SEMA3A: variants seen among roughly 807,000 people sequenced by gnomAD.
SEMA3A encodes the protein semaphorin 3A, also known as semaphorin-3A.
Under a neutral mutation model 97.9 loss-of-function variants are expected in SEMA3A, and 29 were observed. The ratio of observed to expected loss-of-function variants is 0.30; its 90% CI spans 0.22 to 0.40. The LOEUF (loss-of-function observed/expected upper bound fraction) is 0.40, where lower values mean the gene tolerates loss of function less well. SEMA3A is among the 10% of genes least tolerant of loss of function. SEMA3A has a pLI of 1.00. For synonymous variants in SEMA3A, 321 were observed against 323.7 expected (o/e 0.99, Z 0.09); for missense variants, 763 against 951.3 (o/e 0.80, Z 2.60).
At chr7:84,281,360 C>A (rs1800435491) in intron 3 of SEMA3A, among the ~76,000 whole-genome samples, 2 of 152,236 alleles carry the variant, frequency 1.3e-5, no homozygotes, top group South Asian at 4.2e-4. Flanking sequence ...CAAGAAACAG[C>A]AGCCTGGGGA....
At chr7:84,209,978 C>T (rs1798586708) in intron 3 of SEMA3A, among the ~76,000 whole-genome samples, 1 of 151,756 alleles carries the variant, frequency 6.6e-6, no homozygotes, top group Non-Finnish European at 1.5e-5. Context: ...TACTTTTTTT[C>T]CTAAGGGGAT....
intron 1 of SEMA3A, among the ~76,000 whole-genome samples, chr7:84,172,488 C>A (rs1382110015): frequency 6.6e-6 from 1 of 152,008 alleles, no homozygotes; most frequent in African/African-American, 2.4e-5. Context: ...AGTGGGCTAT[C>A]TAGGTTCACT....
intron 2 of SEMA3A, among the ~76,000 whole-genome samples, chr7:84,334,143 T>C (rs1801976211): frequency 6.6e-6 from 1 of 152,174 alleles, no homozygotes; most frequent in Admixed American, 6.5e-5. Flanking sequence ...AAGTTCTGTC[T>C]ATATAATTCC....
chr7:84,262,254 G>T (rs1799874434), intron 3 of SEMA3A, among the ~76,000 whole-genome samples: 1 of 151,854 alleles, frequency 6.6e-6, no homozygotes, highest in Non-Finnish European at 1.5e-5. Flanking sequence ...TGCTCTTTTT[G>T]CCCAGGATGG....
At chr7:83,971,108 T>C (rs1179581598) in intron 15 of SEMA3A, among the ~76,000 whole-genome samples, 1 of 152,220 alleles carries the variant, frequency 6.6e-6, no homozygotes. Context: ...TTAACATTCA[T>C]GTATATTTTG....
chr7:83,988,693 TTA>T (rs1275144431), intron 12 of SEMA3A, among the ~76,000 whole-genome samples: 1 of 151,854 alleles, frequency 6.6e-6, no homozygotes, highest in Non-Finnish European at 1.5e-5. Context: ...CTTAAATGAA[TTA>T]TATTAGTTAT....
At chr7:84,453,249 T>G (rs1805605046) in intron 1 of SEMA3A, among the ~76,000 whole-genome samples, 1 of 151,252 alleles carries the variant, frequency 6.6e-6, no homozygotes, top group Non-Finnish European at 1.5e-5. Context: ...CTTTTTTTTT[T>G]TTTTTTGAGA....
chr7:84,158,094 T>C (rs1466258134), intron 1 of SEMA3A, among the ~76,000 whole-genome samples: 3 of 151,198 alleles, frequency 2.0e-5, no homozygotes, highest in Non-Finnish European at 3.0e-5. Context: ...CAATCCTCTA[T>C]ACCTTTTCTT....
intron 3 of SEMA3A, among the ~76,000 whole-genome samples, chr7:84,126,784 T>G (rs1371036450): frequency 2.0e-5 from 3 of 152,198 alleles, no homozygotes; most frequent in Non-Finnish European, 4.4e-5. Context: ...CAAAAACTAT[T>G]AGAGTTGTTT....
chr7:84,225,151 A>AAT (rs1217642373), intron 3 of SEMA3A, among the ~76,000 whole-genome samples: 1 of 152,140 alleles, frequency 6.6e-6, no homozygotes, highest in Non-Finnish European at 1.5e-5. Flanking sequence ...TTCTAATTCT[A>AAT]TGTCTCATGA....
chr7:84,234,744 A>G (rs774266826), intron 3 of SEMA3A, among the ~76,000 whole-genome samples: 44 of 152,062 alleles, frequency 2.9e-4, no homozygotes, highest in Non-Finnish European at 5.6e-4. Context: ...TACATTTAAT[A>G]GCAGGCAGTT....
In SEMA3A at chr7:83,963,312, T is replaced by C. The variant is rs781229231; in HGVS notation, c.1753A>G (p.Ile585Val). Residue 585 changes from isoleucine to valine, a missense_variant, in exon 16 of 17, where the codon ATC (isoleucine) becomes GTC (valine). Physicochemically the swap from Ile to Val is conservative, Grantham distance 29 (BLOSUM62 3). Around this residue, in one of 2 missense-constraint regions of SEMA3A, gnomAD observed 678 missense variants for 881.3 expected, o/e 0.77. Coordinates refer to ENST00000265362, the MANE Select transcript of SEMA3A (RefSeq NM_006080.3). ...GTGCTACTATTCTCTACACCATAGA[T>C]GATTCTCTCTTCAGGGCTGTGGCCA... ...HHGHSPEERI[I>V]YGVENSSTFL... 5.6e-6 allele frequency: 9 copies of C among 1,613,690 alleles called. No individual in the cohort carries two copies. In the East Asian group the frequency reaches 2.0e-4, roughly 36 times the overall value.
chr7:84,487,263 G>C (rs1450280281), intron 1 of SEMA3A, among the ~76,000 whole-genome samples: 1 of 152,098 alleles, frequency 6.6e-6, no homozygotes. Context: ...TAGGGAAACT[G>C]GGACCAAGAG....
chr7:84,278,968 T>C (rs1267459063), intron 3 of SEMA3A, among the ~76,000 whole-genome samples: 4 of 152,080 alleles, frequency 2.6e-5, no homozygotes, highest in Admixed American at 2.0e-4. Context: ...ATAATAGTAA[T>C]TATTATAATA....
intron 4 of SEMA3A, among the ~76,000 whole-genome samples, chr7:84,094,383 C>T (rs910752058): frequency 1.3e-5 from 2 of 151,512 alleles, no homozygotes; most frequent in Middle Eastern, 3.2e-3. Flanking sequence ...GCTCTGCTTT[C>T]CTGAACTTAA....
At chr7:84,169,131 G>C (rs1797306725) in intron 1 of SEMA3A, among the ~76,000 whole-genome samples, 1 of 151,438 alleles carries the variant, frequency 6.6e-6, no homozygotes, top group Non-Finnish European at 1.5e-5. Context: ...TAATCACTGT[G>C]ATGAAAATAA....
At chr7:84,338,452 G>A (rs1342486904) in intron 2 of SEMA3A, among the ~76,000 whole-genome samples, 1 of 151,964 alleles carries the variant, frequency 6.6e-6, no homozygotes, top group African/African-American at 2.4e-5. Flanking sequence ...TAGACAATAA[G>A]AGTTGATTAT....
intron 3 of SEMA3A, among the ~76,000 whole-genome samples, chr7:84,203,401 GATTA>G (rs944523379): frequency 2.0e-5 from 3 of 146,944 alleles, no homozygotes; most frequent in African/African-American, 7.5e-5. Context: ...TTAATTAATG[GATTA>G]ATTAATTAGT....
At chr7:84,069,546 C>T (rs140016111) in intron 4 of SEMA3A, among the ~76,000 whole-genome samples, 1 of 152,078 alleles carries the variant, frequency 6.6e-6, no homozygotes, top group South Asian at 2.1e-4. Context: ...AATATTTTGA[C>T]CTTTCACAAT....
Sources: allele counts gnomAD v4.1 joint callset (sites outside exome capture counted in the v4.1 genomes callset), GRCh38; gene constraint gnomAD v4.1.1; regional missense constraint gnomAD v4.1.1; transcripts MANE v1.5; gene names NCBI Gene and HGNC (gene_info 2026-07-23, HGNC 2026-07-21).